Variants in CLUAP1 observed in about 807,000 individuals in gnomAD.
CLUAP1 encodes the protein intraflagellar transport 38, also known as clusterin-associated protein 1.
Under a neutral mutation model 55.0 loss-of-function variants are expected in CLUAP1, and 50 were observed. The observed-to-expected ratio is 0.91, with a 90% CI of 0.72 to 1.15. The LOEUF is 1.15. CLUAP1 is among the 50% of genes most tolerant of loss of function. CLUAP1 has a pLI of 0.00. For missense variants in CLUAP1, 530 were observed against 507.6 expected (o/e 1.04, Z -0.42); for synonymous variants, 195 against 175.4 (o/e 1.11, Z -0.88).
At chr16:3,523,016 T>G (rs2037870953) in intron 7 of CLUAP1, 142 bp from the exon 8 acceptor site, 2 of 545,572 alleles carry the variant, frequency 3.7e-6, no homozygotes, top group Non-Finnish European at 5.9e-6. Flanking sequence ...GGGAAAATAT[T>G]TTTAAGCATT....
At chr16:3,526,959 T>G (rs528100337) in intron 9 of CLUAP1, among the ~76,000 whole-genome samples, 1 of 152,130 alleles carries the variant, frequency 6.6e-6, no homozygotes. Flanking sequence ...GCCGCTCGCT[T>G]TGTGATGGTC....
intron 1 of CLUAP1, among the ~76,000 whole-genome samples, chr16:3,504,249 A>G (rs2037461668): frequency 6.6e-6 from 1 of 152,262 alleles, no homozygotes; most frequent in Non-Finnish European, 1.5e-5. Context: ...TAAAATTAAA[A>G]AAAAAGACAA....
intron 5 of CLUAP1, among the ~76,000 whole-genome samples, chr16:3,514,869 C>T (rs1289727707): frequency 1.3e-5 from 2 of 152,196 alleles, no homozygotes; most frequent in African/African-American, 4.8e-5. Flanking sequence ...ACTATATCCA[C>T]ATTACAATCC....
chr16:3,529,497 A>T (rs1357733179), intron 9 of CLUAP1, among the ~76,000 whole-genome samples: 3 of 73,788 alleles, frequency 4.1e-5, no homozygotes, highest in African/African-American at 1.2e-4. Flanking sequence ...TAATTATATT[A>T]TATTATATAT....
intron 5 of CLUAP1, among the ~76,000 whole-genome samples, chr16:3,514,686 G>T (rs148622899): frequency 1.2e-3 from 178 of 152,344 alleles, no homozygotes; most frequent in African/African-American, 4.0e-3. Context: ...GCGAGGGCTT[G>T]TTCCCCACAG....
chr16:3,523,445 G>A, intron 8 of CLUAP1, 146 bp downstream of exon 8: 3 of 982,706 alleles, frequency 3.1e-6, no homozygotes, highest in Non-Finnish European at 4.4e-6. Flanking sequence ...CTCATGTAAT[G>A]TGTTTGTTTT....
intron 1 of CLUAP1, among the ~76,000 whole-genome samples, chr16:3,503,676 A>G (rs770153461): frequency 6.6e-6 from 1 of 152,248 alleles, no homozygotes; most frequent in Non-Finnish European, 1.5e-5. Context: ...AGCTTACTGC[A>G]ACCTCCTGGG....
chr16:3,525,012 G>A (rs569497741), intron 8 of CLUAP1, among the ~76,000 whole-genome samples: 3 of 152,204 alleles, frequency 2.0e-5, no homozygotes, highest in Non-Finnish European at 2.9e-5. Context: ...ACAATACTGA[G>A]CATTTGAGTT....
intron 2 of CLUAP1, 139 bp downstream of exon 2, chr16:3,504,970 A>G: frequency 3.1e-6 from 2 of 645,502 alleles, no homozygotes; most frequent in South Asian, 3.6e-5. Context: ...TTCTGTTACA[A>G]AGGAGTTGTG....
rs139432882 is a variant in CLUAP1 at position 3,534,115 on chromosome 16, C to T, written c.1092+1274C>T. 166 of 152,342 alleles carry T rather than the reference C, an allele frequency of 1.1e-3. 2 individuals carry two copies. The highest frequency in any genetic ancestry group is 0.01 in the Middle Eastern group (3 of 294). The allele number at this position is 152,342 out of a possible 1,614,324, so 9.4% of individuals were successfully genotyped here. ...CAGTGCTGTCGTGGATTATGGGGAA[C>T]GCAGCAGGGGCAGAGGCAAGCCCCT... On this transcript the variant is annotated intron_variant, in intron 11 of 11. Coordinates refer to ENST00000576634, the MANE Select transcript of CLUAP1 (RefSeq NM_015041.3).
chr16:3,507,402 T>A (rs951247120), intron 3 of CLUAP1, among the ~76,000 whole-genome samples: 2 of 150,654 alleles, frequency 1.3e-5, no homozygotes, highest in East Asian at 1.9e-4. Flanking sequence ...AAAATAAATT[T>A]AAAAAAAATT....
At chr16:3,516,694 A>G (rs2037735699) in intron 6 of CLUAP1, among the ~76,000 whole-genome samples, 1 of 152,262 alleles carries the variant, frequency 6.6e-6, no homozygotes. Context: ...AATTACGTAT[A>G]TATGTATATA....
At chr16:3,496,309 G>A (rs1239100475), upstream of CLUAP1, 3 of 992,850 alleles carry the variant, frequency 3.0e-6, no homozygotes, top group East Asian at 3.2e-5. Context: ...ACAGGTTACC[G>A]TCCAGACGAA....
At chr16:3,511,006 CG>C (rs906405356) in intron 4 of CLUAP1, among the ~76,000 whole-genome samples, 1 of 152,082 alleles carries the variant, frequency 6.6e-6, no homozygotes, top group African/African-American at 2.4e-5. Flanking sequence ...GCAGAAAAGA[CG>C]GGGGGTCCAG....
intron 2 of CLUAP1, among the ~76,000 whole-genome samples, chr16:3,505,065 C>G (rs984791193): frequency 6.6e-6 from 1 of 152,158 alleles, no homozygotes; most frequent in African/African-American, 2.4e-5. Context: ...TAGCAAGACC[C>G]TGTCTCCATA....
chr16:3,526,566 TA>T, intron 9 of CLUAP1, 82 bp downstream of exon 9: 1 of 743,918 alleles, frequency 1.3e-6, no homozygotes, highest in Non-Finnish European at 1.9e-6. Context: ...GATATATATA[TA>T]TTTTTTAATA....
At chr16:3,527,472 A>G (rs772840592) in intron 9 of CLUAP1, among the ~76,000 whole-genome samples, 2 of 152,064 alleles carry the variant, frequency 1.3e-5, no homozygotes, top group Non-Finnish European at 2.9e-5. Context: ...TGCCAAGTGG[A>G]CCGTGGTCTA....
intron 4 of CLUAP1, among the ~76,000 whole-genome samples, chr16:3,510,199 G>T (rs1335068338): frequency 6.6e-6 from 1 of 152,070 alleles, no homozygotes; most frequent in Non-Finnish European, 1.5e-5. Context: ...TCTCCATGTT[G>T]GTCAGGCTAG....
intron 3 of CLUAP1, among the ~76,000 whole-genome samples, chr16:3,507,491 T>C (rs1469613803): frequency 6.7e-6 from 1 of 149,980 alleles, no homozygotes; most frequent in East Asian, 2.0e-4. Flanking sequence ...GCCCGGGAGG[T>C]TGAGGCTGCA....
Sources: allele counts gnomAD v4.1 joint callset (sites outside exome capture counted in the v4.1 genomes callset), GRCh38; gene constraint gnomAD v4.1.1; transcripts MANE v1.5; gene names NCBI Gene and HGNC (gene_info 2026-07-23, HGNC 2026-07-21).